MTDH: variants seen among roughly 807,000 people sequenced by gnomAD.
The protein encoded by MTDH is protein LYRIC.
A neutral mutation model predicts 72.7 loss-of-function variants in MTDH; 34 were observed. The observed-to-expected ratio is 0.47, with a 90% CI of 0.36 to 0.62. The LOEUF (loss-of-function observed/expected upper bound fraction) is 0.62, where lower values mean the gene tolerates loss of function less well. Ranked by LOEUF, MTDH falls within the 20% of genes least tolerant of loss-of-function variation. MTDH has a pLI of 0.00. For synonymous variants in MTDH, 266 were observed against 268.9 expected (o/e 0.99, Z 0.10); for missense variants, 677 against 699.4 (o/e 0.97, Z 0.36).
chr8:97,661,171 A>C lies in MTDH; in HGVS notation c.481A>C (p.Lys161Gln). 1 of 1,607,914 alleles carries C rather than the reference A, an allele frequency of 6.2e-7. No individual in the cohort carries two copies. Among genetic ancestry groups the C allele is most frequent in the African/African-American group, 1.3e-5 (1 of 74,904 alleles). ...QPPEIDKKNE[K>Q]SKKNKKKSKS... is the part of the protein sequence containing the mutation. ...ACCAGAGATTGACAAGAAAAATGAA[A>C]AGGTAAGTTTGGGAGCATATGAAAT... is the stretch of plus-strand genomic sequence containing the variant. Residue 161 changes from lysine to glutamine, a missense_variant and splice_region_variant, in exon 2 of 12, where the codon AAG (lysine) becomes CAG (glutamine). Transcript: ENST00000336273.
At chr8:97,715,446 G>A (rs1764746240) in intron 9 of MTDH, among the ~76,000 whole-genome samples, 1 of 152,202 alleles carries the variant, frequency 6.6e-6, no homozygotes, top group South Asian at 2.1e-4. Context: ...GTTTTTGAAA[G>A]AAGTTTCTAC....
chr8:97,683,690 A>G (rs1813232843), intron 2 of MTDH, among the ~76,000 whole-genome samples: 1 of 152,098 alleles, frequency 6.6e-6, no homozygotes. Flanking sequence ...CACCGCACTC[A>G]GCAATCTTAA....
intron 2 of MTDH, among the ~76,000 whole-genome samples, chr8:97,667,100 T>G (rs1028209877): frequency 2.0e-5 from 3 of 150,316 alleles, no homozygotes; most frequent in Admixed American, 6.6e-5. Flanking sequence ...AAGCAATCCT[T>G]CTACCTCAGC....
chr8:97,684,305 T>TA (rs1255058201), intron 2 of MTDH, among the ~76,000 whole-genome samples: 2 of 152,194 alleles, frequency 1.3e-5, no homozygotes, highest in Admixed American at 6.5e-5. Context: ...TACGTTGTGT[T>TA]AAAATTGTCA....
chr8:97,655,520 A>AT (rs1811935169), intron 1 of MTDH, among the ~76,000 whole-genome samples: 1 of 152,260 alleles, frequency 6.6e-6, no homozygotes, highest in African/African-American at 2.4e-5. Flanking sequence ...CATCTGGAGC[A>AT]TTGGACCTGA....
At chr8:97,685,863 T>C (rs959222505) in intron 2 of MTDH, among the ~76,000 whole-genome samples, 5 of 152,210 alleles carry the variant, frequency 3.3e-5, no homozygotes, top group African/African-American at 1.2e-4. Context: ...TTATAAACGT[T>C]AATTCTCTTT....
At chr8:97,679,200 T>G (rs1812972501) in intron 2 of MTDH, among the ~76,000 whole-genome samples, 1 of 152,274 alleles carries the variant, frequency 6.6e-6, no homozygotes, top group Middle Eastern at 3.4e-3. Flanking sequence ...TAGGGTTACT[T>G]TGAGAATTTA....
intron 2 of MTDH, among the ~76,000 whole-genome samples, chr8:97,683,197 T>G (rs1813211686): frequency 6.6e-6 from 1 of 151,258 alleles, no homozygotes; most frequent in African/African-American, 2.4e-5. Flanking sequence ...CCCGAGTAGC[T>G]GGGACTACAG....
chr8:97,671,080 C>G (rs1443281801), intron 2 of MTDH, among the ~76,000 whole-genome samples: 3 of 151,792 alleles, frequency 2.0e-5, no homozygotes, highest in Non-Finnish European at 4.4e-5. Flanking sequence ...ATTCTCCTGC[C>G]TCAGCCTCCC....
chr8:97,678,412 A>G (rs545966626), intron 2 of MTDH, among the ~76,000 whole-genome samples: 1 of 152,300 alleles, frequency 6.6e-6, no homozygotes, highest in African/African-American at 2.4e-5. Context: ...AAGACCTTCA[A>G]ATTACAGTAA....
chr8:97,657,087 A>C (rs1343675607), intron 1 of MTDH, among the ~76,000 whole-genome samples: 1 of 152,078 alleles, frequency 6.6e-6, no homozygotes, highest in East Asian at 1.9e-4. Context: ...ATATATAGAT[A>C]TCCTCATTCT....
rs142383911 is a variant in MTDH at position 97,725,453 on chromosome 8, C to A, written c.*783C>A. The A allele has an allele frequency of 6.6e-6, 1 of 152,588 alleles. No individual in the cohort carries two copies. Among genetic ancestry groups the A allele is most frequent in the Non-Finnish European group, 1.5e-5 (1 of 67,994 alleles). 9.5% of individuals were successfully genotyped at this position (152,588 alleles called of 1,614,324 possible). On this transcript the variant is annotated 3_prime_UTR_variant, in exon 12 of 12. Coordinates refer to ENST00000336273, the MANE Select transcript of MTDH (RefSeq NM_178812.4). Reference sequence around the variant, plus strand: ...TGATTTGAAAACTTTCAGGCAAAATCCAATTTACATTTTTCCCTTCCCTAG... The same window carrying A: ...TGATTTGAAAACTTTCAGGCAAAATACAATTTACATTTTTCCCTTCCCTAG...
intron 2 of MTDH, among the ~76,000 whole-genome samples, chr8:97,662,388 GA>G (rs560076875): frequency 8.8e-4 from 127 of 143,866 alleles, no homozygotes; most frequent in African/African-American, 3.0e-3. Flanking sequence ...CCCTTTTCAG[GA>G]AAAAAAAAAC....
At chr8:97,682,286 T>A (rs1288160204) in intron 2 of MTDH, among the ~76,000 whole-genome samples, 33 of 22,260 alleles carry the variant, frequency 1.5e-3, no homozygotes, top group African/African-American at 4.7e-3. Context: ...ATATATTTTT[T>A]TTTTTTTTTT....
chr8:97,652,064 C>T (rs1811793324), intron 1 of MTDH, among the ~76,000 whole-genome samples: 1 of 152,188 alleles, frequency 6.6e-6, no homozygotes. Context: ...TCTAGTGTCA[C>T]CTTAGCTCCC....
intron 8 of MTDH, among the ~76,000 whole-genome samples, chr8:97,709,842 G>T (rs1156454515): frequency 6.6e-6 from 1 of 152,164 alleles, no homozygotes. Flanking sequence ...TTTATTTAAA[G>T]ATTTAAAATA....
intron 1 of MTDH, among the ~76,000 whole-genome samples, chr8:97,658,565 C>T (rs1349497465): frequency 1.3e-5 from 2 of 152,100 alleles, no homozygotes; most frequent in African/African-American, 4.8e-5. Flanking sequence ...GTAAATAAAT[C>T]CCAATGACTC....
rs1814029965 is a variant in MTDH, at chr8:97,699,810, A to G, written c.1105A>G (p.Ser369Gly). 9.3e-6 allele frequency: 15 copies of G among 1,613,446 alleles called. No individual in the cohort carries two copies. The highest frequency in any genetic ancestry group is 1.3e-5 in the African/African-American group (1 of 75,038). Residue 369 changes from serine (S) to glycine (G), a missense_variant, in exon 7 of 12, where the codon AGC (serine) becomes GGC (glycine). This residue lies in a region of MTDH where 467 missense variants were observed against 469.1 expected (regional missense o/e 1.00). Coordinates refer to ENST00000336273, the MANE Select transcript of MTDH (RefSeq NM_178812.4). ...CACTTCTGATTATCAGTGGGATGTT[A>G]GCCGTAATCAACCCTATATCGATGA... ...STTSDYQWDV[S>G]RNQPYIDDEW...
Position 97,661,174 on chromosome 8 carries a change from G to C in MTDH, c.483+1G>C, listed in dbSNP as rs1240429617. On this transcript the variant is annotated splice_donor_variant, in intron 2 of 11. Coordinates refer to ENST00000336273, the MANE Select transcript of MTDH (RefSeq NM_178812.4). LOFTEE classifies it high-confidence loss of function. ...AGAGATTGACAAGAAAAATGAAAAG[G>C]TAAGTTTGGGAGCATATGAAATTGT... 1 of 1,604,640 alleles carries C rather than the reference G, an allele frequency of 6.2e-7. No homozygotes were observed. Among genetic ancestry groups the C allele is most frequent in the East Asian group, 2.2e-5 (1 of 44,604 alleles).
Sources: gnomAD v4.1 joint callset for allele counts (sites outside exome capture counted in the v4.1 genomes callset) on GRCh38, gnomAD v4.1.1 for gene constraint, gnomAD v4.1.1 regional missense constraint, MANE v1.5 for transcripts, NCBI Gene and HGNC (gene_info 2026-07-23, HGNC 2026-07-21) for gene names.